The following IRAK4 variants were observed in gnomAD, a reference collection of about 807,000 sequenced individuals.
The protein encoded by IRAK4 is interleukin-1 receptor-associated kinase 4.
IRAK4 carries 44 observed loss-of-function variants against 51.8 expected under a neutral mutation model. That is an observed-to-expected ratio of 0.85 (90% CI 0.67 to 1.09). The LOEUF is 1.09. Ranked by LOEUF, IRAK4 falls within the 50% of genes least tolerant of loss-of-function variation. The pLI is 0.00. For synonymous variants in IRAK4, 149 were observed against 174.1 expected (o/e 0.86, Z 1.13); for missense variants, 487 against 538.0 (o/e 0.91, Z 0.94).
chr12:43,788,628 C>G lies in IRAK4; in HGVS notation c.*1913C>G, dbSNP rs1942365082. The G allele has an allele frequency of 6.6e-6, 1 of 151,718 alleles. No homozygotes were observed. The highest frequency in any genetic ancestry group is 2.1e-4 in the South Asian group (1 of 4,810). 9.4% of individuals were successfully genotyped at this position (151,718 alleles called of 1,614,324 possible). A position where few individuals can be genotyped will look rare whatever the true frequency, so the allele number is the denominator to read the frequency against. On this transcript the variant is annotated 3_prime_UTR_variant, in exon 12 of 12. Transcript: ENST00000613694. ...GATCTCGGCTCACTGCAAGCTCTGC[C>G]TCCCAGGTTCACGCCATTCCCCTGC...
chr12:43,769,933 GC>G lies in IRAK4; in HGVS notation c.162-1284del, dbSNP rs202143289. Among the ~76,000 whole-genome samples the G allele has an allele frequency of 1.3e-3, 203 of 152,156 alleles. 4 individuals carry two copies. The East Asian group carries it at 0.036, about 27-fold the overall frequency. ...TTAGACCCATTCTATAAGACATCTG[GC>G]CCGTATTCTAAAACACACACACCCA... On this transcript the variant is annotated intron_variant, in intron 2 of 11. Coordinates refer to ENST00000613694, the MANE Select transcript of IRAK4 (RefSeq NM_016123.4).
chr12:43,764,282 G>T (rs1939886439), intron 1 of IRAK4, among the ~76,000 whole-genome samples: 1 of 152,054 alleles, frequency 6.6e-6, no homozygotes, highest in Non-Finnish European at 1.5e-5. Context: ...GAATTAGCTG[G>T]GTGTGGTGGT....
intron 6 of IRAK4, among the ~76,000 whole-genome samples, chr12:43,776,089 G>T (rs529778742): frequency 6.6e-6 from 1 of 151,834 alleles, no homozygotes; most frequent in East Asian, 1.9e-4. Context: ...GTTTCACCAC[G>T]TTAGCCAGGA....
At chr12:43,764,416 T>G (rs1939902102) in intron 1 of IRAK4, among the ~76,000 whole-genome samples, 1 of 152,044 alleles carries the variant, frequency 6.6e-6, no homozygotes, top group South Asian at 2.1e-4. Context: ...AGAGCAAGAC[T>G]CCAAAAACAA....
intron 5 of IRAK4, among the ~76,000 whole-genome samples, chr12:43,773,598 A>G (rs1940994572): frequency 6.6e-6 from 1 of 152,084 alleles, no homozygotes; most frequent in African/African-American, 2.4e-5. Flanking sequence ...TGTGATAAAG[A>G]TAGTCACTCT....
chr12:43,771,517 AAGC>A, intron 3 of IRAK4, 152 bp downstream of exon 3: 1 of 807,696 alleles, frequency 1.2e-6, no homozygotes. Context: ...ACTCTTTAAA[AAGC>A]AGCACAGACA....
intron 10 of IRAK4, among the ~76,000 whole-genome samples, chr12:43,785,256 T>A (rs992988322): frequency 6.6e-6 from 1 of 152,148 alleles, no homozygotes; most frequent in Non-Finnish European, 1.5e-5. Flanking sequence ...CATAGACATG[T>A]TTTGGGGGAC....
chr12:43,770,303 G>A (rs1940612915), intron 2 of IRAK4, among the ~76,000 whole-genome samples: 1 of 152,086 alleles, frequency 6.6e-6, no homozygotes, highest in Non-Finnish European at 1.5e-5. Context: ...CTTTAATTAA[G>A]CAGGTGCATT....
At position 43,788,468 on chromosome 12, in the gene IRAK4, C is replaced by T. The variant is rs558662153; in HGVS notation, c.*1753C>T. ...AAAGCCACAGGAGTGGAGCTGCCCACGGCCTCGAGGGCCCACCCCTTGCAC... is the reference window on the plus strand; with the variant it reads ...AAAGCCACAGGAGTGGAGCTGCCCATGGCCTCGAGGGCCCACCCCTTGCAC... On this transcript the variant is annotated 3_prime_UTR_variant, in exon 12 of 12. Transcript: ENST00000613694. The T allele has an allele frequency of 1.5e-3, 226 of 152,242 alleles. 2 individuals are homozygous for T. The highest frequency in any genetic ancestry group is 2.7e-3 in the Non-Finnish European group (181 of 68,102). The allele number at this position is 152,242 out of a possible 1,614,324, so 9.4% of individuals were successfully genotyped here. A position where few individuals can be genotyped will look rare whatever the true frequency, so the allele number is the denominator to read the frequency against.
At chr12:43,770,239 G>A (rs907533740) in intron 2 of IRAK4, among the ~76,000 whole-genome samples, 4 of 152,080 alleles carry the variant, frequency 2.6e-5, no homozygotes, top group African/African-American at 9.7e-5. Flanking sequence ...CAATTTAATT[G>A]AATTACAGTT....
chr12:43,764,751 CTG>C lies in IRAK4; in HGVS notation c.-9-3349_-9-3348del, dbSNP rs1463774460. On this transcript the variant is annotated intron_variant, in intron 1 of 11. Coordinates refer to ENST00000613694, the MANE Select transcript of IRAK4 (RefSeq NM_016123.4). The stretch of plus-strand genomic sequence containing the variant: ...AGGGGCATTGTGATGGAGAAGGACT[CTG>C]TGGTGAAGCTTTCCCAGGTGTTTTT... 3.9e-5 allele frequency among the ~76,000 whole-genome samples: 6 copies of C among 152,256 alleles called. No individual in the cohort carries two copies. The South Asian group carries it at 8.3e-4, about 21-fold the overall frequency.
At chr12:43,776,770 G>A (rs1941314285) in intron 6 of IRAK4, among the ~76,000 whole-genome samples, 1 of 152,198 alleles carries the variant, frequency 6.6e-6, no homozygotes, top group Non-Finnish European at 1.5e-5. Flanking sequence ...TACCACAGAT[G>A]CTGCCACTTT....
chr12:43,781,774 G>A (rs777956425), intron 8 of IRAK4, among the ~76,000 whole-genome samples: 1 of 152,128 alleles, frequency 6.6e-6, no homozygotes, highest in Admixed American at 6.5e-5. Flanking sequence ...TTGAATTAAA[G>A]TATGAAAGCA....
In IRAK4 at chr12:43,763,174, C is replaced by T. The variant is rs187529509; in HGVS notation, c.-10+4158C>T. The T allele has an allele frequency of 1.8e-4, 27 of 152,324 alleles. 1 individual carries two copies. The highest frequency in any genetic ancestry group is 1.4e-3 in the Admixed American group (22 of 15,306). The allele number at this position is 152,324 out of a possible 1,614,324, so 9.4% of individuals were successfully genotyped here. A position where few individuals can be genotyped will look rare whatever the true frequency, so the allele number is the denominator to read the frequency against. On this transcript the variant is annotated intron_variant, in intron 1 of 11. Coordinates refer to ENST00000613694, the MANE Select transcript of IRAK4 (RefSeq NM_016123.4). ...TTAATTTATACAGCTTCAGATTCCT[C>T]ATTGCAGCTTACCTTTAGGAAGTTA...
intron 6 of IRAK4, among the ~76,000 whole-genome samples, chr12:43,776,550 T>A (rs1941289665): frequency 6.6e-6 from 1 of 152,252 alleles, no homozygotes; most frequent in Admixed American, 6.5e-5. Flanking sequence ...ACACTTATCA[T>A]GTGCCAGATA....
At chr12:43,781,480 C>T (rs1941775833) in intron 8 of IRAK4, among the ~76,000 whole-genome samples, 1 of 152,146 alleles carries the variant, frequency 6.6e-6, no homozygotes, top group African/African-American at 2.4e-5. Context: ...ATGTTTTTGT[C>T]ACTTTGTACC....
At position 43,759,002 on chromosome 12, in the gene IRAK4, C is replaced by T. The variant is rs1241650022; in HGVS notation, c.-24C>T. The T allele has an allele frequency of 6.6e-6, 1 of 152,272 alleles. No homozygotes were observed. The highest frequency in any genetic ancestry group is 1.9e-4 in the East Asian group (1 of 5,148). The allele number at this position is 152,272 out of a possible 1,614,324, so 9.4% of individuals were successfully genotyped here. A position where few individuals can be genotyped will look rare whatever the true frequency, so the allele number is the denominator to read the frequency against. ...GTTCTTCTGTCGCCGGCTTCAGCAG[C>T]CCGCGCCCGGGCAGGTAAGGCATTC... On this transcript the variant is annotated 5_prime_UTR_variant, in exon 1 of 12. Coordinates refer to ENST00000613694, the MANE Select transcript of IRAK4 (RefSeq NM_016123.4).
At chr12:43,776,594 T>C (rs1446262632) in intron 6 of IRAK4, among the ~76,000 whole-genome samples, 1 of 152,252 alleles carries the variant, frequency 6.6e-6, no homozygotes, top group Non-Finnish European at 1.5e-5. Flanking sequence ...ATTTGCTCAT[T>C]TAATTGTCTC....
intron 5 of IRAK4, 29 bp downstream of exon 5, chr12:43,773,101 AAG>A (rs1258054425): frequency 1.9e-6 from 3 of 1,601,428 alleles, no homozygotes; most frequent in Non-Finnish European, 2.6e-6. Context: ...AATAAAAAGA[AAG>A]AGTTGCTTCA....
Sources: allele counts gnomAD v4.1 joint callset (sites outside exome capture counted in the v4.1 genomes callset), GRCh38; gene constraint gnomAD v4.1.1; transcripts MANE v1.5; gene names NCBI Gene and HGNC (gene_info 2026-07-23, HGNC 2026-07-21).